Variants in DNAJC13 observed in about 807,000 individuals in gnomAD.
The protein encoded by DNAJC13 is DnaJ heat shock protein family (Hsp40) member C13, also known as dnaJ homolog subfamily C member 13.
Under a neutral mutation model 290.5 loss-of-function variants are expected in DNAJC13, and 75 were observed. The observed-to-expected ratio is 0.26, with a 90% CI of 0.21 to 0.31. The LOEUF (loss-of-function observed/expected upper bound fraction) is 0.31. DNAJC13 is among the 10% of genes least tolerant of loss of function. The pLI is 1.00. For missense variants in DNAJC13, 2,260 were observed against 2,674.5 expected (o/e 0.85, Z 3.42); for synonymous variants, 862 against 892.0 (o/e 0.97, Z 0.60).
At chr3:132,437,960 A>T (rs1014500080) in intron 2 of DNAJC13, among the ~76,000 whole-genome samples, 2 of 151,260 alleles carry the variant, frequency 1.3e-5, no homozygotes, top group Non-Finnish European at 2.9e-5. Context: ...CTGCAGTGGG[A>T]GAATTGCTTG....
chr3:132,496,254 GT>G (rs1172736595), intron 35 of DNAJC13, among the ~76,000 whole-genome samples: 1 of 152,032 alleles, frequency 6.6e-6, no homozygotes, highest in African/African-American at 2.4e-5. Context: ...ACTCTCTCTA[GT>G]ATGTATGAGT....
chr3:132,472,335 T>C (rs1934309497), intron 20 of DNAJC13, among the ~76,000 whole-genome samples: 1 of 152,242 alleles, frequency 6.6e-6, no homozygotes, highest in African/African-American at 2.4e-5. Context: ...GCCTTAAGTA[T>C]GTGCCTATCT....
Position 132,538,176 on chromosome 3 carries a change from G to A in DNAJC13, c.6626G>A (p.Gly2209Glu). 1 of 1,613,342 alleles carries A rather than the reference G, an allele frequency of 6.2e-7. No individual in the cohort carries two copies. The highest frequency in any genetic ancestry group is 8.5e-7 in the Non-Finnish European group (1 of 1,179,588). ...GTGTGTTTACCTTTCTCTCTTGCAG[G>A]ACCTGGAGTTGCTGGCTACCTTACC... is the stretch of plus-strand genomic sequence containing the variant. Reference protein sequence around the residue: ...SESQTAGYLTGPGVAGYLTAG... With the variant: ...SESQTAGYLTEPGVAGYLTAG... The change falls in exon 56 of 56, where the codon GGA becomes GAA. Residue 2209 changes from glycine (G) to glutamate (E), a missense_variant and splice_region_variant. Physicochemically the swap from Gly to Glu is moderately conservative, Grantham distance 98. Coordinates refer to ENST00000260818, the MANE Select transcript of DNAJC13 (RefSeq NM_015268.4).
rs768940139 is a variant in DNAJC13 at position 132,458,685 on chromosome 3, C to A, written c.1449+1317C>A. Among the ~76,000 whole-genome samples the A allele has an allele frequency of 1.3e-4, 20 of 152,220 alleles. No homozygotes were observed. In the East Asian group the frequency reaches 3.3e-3, roughly 25 times the overall value. ...GTATTCTCCCTGCTCAGAATTCTTT[C>A]CCTGCTTATTCATTAAGAGCTCAAG... On this transcript the variant is annotated intron_variant, in intron 13 of 55. Coordinates refer to ENST00000260818, the MANE Select transcript of DNAJC13 (RefSeq NM_015268.4).
chr3:132,487,010 A>G (rs1934900591), intron 29 of DNAJC13, among the ~76,000 whole-genome samples: 1 of 152,028 alleles, frequency 6.6e-6, no homozygotes, highest in African/African-American at 2.4e-5. Flanking sequence ...CGTAATGTCA[A>G]GTCTTGAACT....
chr3:132,463,229 C>A (rs555239429), intron 16 of DNAJC13, among the ~76,000 whole-genome samples: 34 of 152,160 alleles, frequency 2.2e-4, no homozygotes, highest in Non-Finnish European at 4.6e-4. Flanking sequence ...CCTTAAGTAG[C>A]TGTAAATATA....
chr3:132,465,913 T>C (rs1933965580), intron 17 of DNAJC13, 82 bp from the exon 18 acceptor site: 2 of 788,000 alleles, frequency 2.5e-6, no homozygotes, highest in Admixed American at 4.9e-5. Flanking sequence ...TTTATAATTA[T>C]GTGATATTTT....
At position 132,483,311 on chromosome 3, in the gene DNAJC13, G is replaced by C. The variant is rs896843866; in HGVS notation, c.2980-64G>C. 2.2e-6 allele frequency: 3 copies of C among 1,353,634 alleles called. No homozygotes were observed. In the African/African-American group the frequency reaches 4.3e-5, roughly 20 times the overall value. The allele number at this position is 1,353,634 out of a possible 1,614,324, so 83.9% of individuals were successfully genotyped here. ...TTTAGTATGTATTTACTATAAAGTA[G>C]AAAACACTAGTGAGGTTTTTCATTT... On this transcript the variant is annotated intron_variant, in intron 27 of 55. Coordinates refer to ENST00000260818, the MANE Select transcript of DNAJC13 (RefSeq NM_015268.4).
chr3:132,468,979 A>T (rs1296595535), intron 20 of DNAJC13, among the ~76,000 whole-genome samples: 1 of 152,226 alleles, frequency 6.6e-6, no homozygotes, highest in Non-Finnish European at 1.5e-5. Context: ...AAAACTATGG[A>T]TAAAAATCTG....
chr3:132,525,470 T>G, intron 51 of DNAJC13, 140 bp from the exon 52 acceptor site: 2 of 780,286 alleles, frequency 2.6e-6, no homozygotes, highest in Non-Finnish European at 4.0e-6. Flanking sequence ...CGTTGTTCTC[T>G]TAGGATTAGT....
chr3:132,538,609 G>A lies in DNAJC13; in HGVS notation c.*327G>A, dbSNP rs1268901634. 1 of 181,826 alleles carries A rather than the reference G, an allele frequency of 5.5e-6. No individual in the cohort carries two copies. Among genetic ancestry groups the A allele is most frequent in the Non-Finnish European group, 1.1e-5 (1 of 88,852 alleles). The allele number at this position is 181,826 out of a possible 1,614,324, so 11.3% of individuals were successfully genotyped here. On this transcript the variant is annotated 3_prime_UTR_variant, in exon 56 of 56. Coordinates refer to ENST00000260818, the MANE Select transcript of DNAJC13 (RefSeq NM_015268.4). ...TCCTAGTTTTTGTAATTTTTTTTTTGAACTAGCATGACTGTAGGGTTGAGC... is the reference window on the plus strand; with the variant it reads ...TCCTAGTTTTTGTAATTTTTTTTTTAAACTAGCATGACTGTAGGGTTGAGC...
intron 44 of DNAJC13, among the ~76,000 whole-genome samples, chr3:132,512,714 T>C (rs1250827124): frequency 6.6e-6 from 1 of 152,192 alleles, no homozygotes; most frequent in African/African-American, 2.4e-5. Flanking sequence ...TACCTTACAC[T>C]TTAGATTTTT....
At chr3:132,502,231 G>A in intron 39 of DNAJC13, 58 bp from the exon 40 acceptor site, 1 of 1,136,834 alleles carries the variant, frequency 8.8e-7, no homozygotes, top group Non-Finnish European at 1.2e-6. Context: ...CCTCTTGGGA[G>A]CTTTTTTTTT....
chr3:132,494,341 T>C (rs1935162916), intron 34 of DNAJC13, 82 bp downstream of exon 34: 3 of 1,094,648 alleles, frequency 2.7e-6, no homozygotes, highest in Non-Finnish European at 4.1e-6. Context: ...TTTAAATCAA[T>C]CATTTTAAAA....
At chr3:132,457,121 T>A in intron 12 of DNAJC13, 148 bp from the exon 13 acceptor site, 1 of 702,290 alleles carries the variant, frequency 1.4e-6, no homozygotes, top group Non-Finnish European at 2.3e-6. Context: ...AAAAAACTAT[T>A]ATGAAGACTG....
At chr3:132,500,642 G>A (rs1290544328) in intron 38 of DNAJC13, 152 bp from the exon 39 acceptor site, 1 of 1,047,336 alleles carries the variant, frequency 9.5e-7, no homozygotes, top group African/African-American at 1.6e-5. Context: ...AGAAAGACTA[G>A]TGATCTAGTA....
intron 31 of DNAJC13, among the ~76,000 whole-genome samples, chr3:132,490,263 G>A (rs1422175240): frequency 6.6e-6 from 1 of 152,098 alleles, no homozygotes; most frequent in Non-Finnish European, 1.5e-5. Context: ...AAGGAAATAA[G>A]AAAAGCATTT....
At position 132,516,501 on chromosome 3, in the gene DNAJC13, T is replaced by C. The variant is rs755214850; in HGVS notation, c.5560+5T>C. ...TCAAAGAAGCAATGGCAAAGGGTAA[T>C]GTATAGAGTGCTTTCTTAGCTAGTC... On this transcript the variant is annotated splice_donor_5th_base_variant and intron_variant, in intron 47 of 55. Transcript: ENST00000260818. 1.1e-5 allele frequency: 18 copies of C among 1,613,384 alleles called. No homozygotes were observed. In the South Asian group the frequency reaches 1.8e-4, roughly 16 times the overall value.
intron 15 of DNAJC13, 119 bp downstream of exon 15, chr3:132,461,324 T>A: frequency 9.6e-7 from 1 of 1,040,248 alleles, no homozygotes; most frequent in South Asian, 1.4e-5. Context: ...GTCGTTTGGC[T>A]TTCCTGGGCC....
Sources: gnomAD v4.1 joint callset for allele counts (sites outside exome capture counted in the v4.1 genomes callset) on GRCh38, gnomAD v4.1.1 for gene constraint, MANE v1.5 for transcripts, NCBI Gene and HGNC (gene_info 2026-07-23, HGNC 2026-07-21) for gene names.